ZDHHC20: variants seen among roughly 807,000 people sequenced by gnomAD.
The protein encoded by ZDHHC20 is palmitoyltransferase ZDHHC20.
A neutral mutation model predicts 57.8 loss-of-function variants in ZDHHC20; 43 were observed. The ratio of observed to expected loss-of-function variants is 0.74; its 90% confidence interval spans 0.58 to 0.96. The LOEUF is 0.96. Among genes scored for constraint, ZDHHC20 ranks in the 40% least tolerant of loss-of-function variants. The pLI, the probability that ZDHHC20 is intolerant of heterozygous loss-of-function variation, is 0.00. For synonymous variants in ZDHHC20, 157 were observed against 153.0 expected, an observed-to-expected ratio of 1.03 and a Z score of -0.19; for missense variants, 391 against 441.1, an observed-to-expected ratio of 0.89 and a Z score of 1.02.
At chr13:21,401,034 T>C (rs375473197) in intron 6 of ZDHHC20, among the ~76,000 whole-genome samples, 1 of 152,018 alleles carries the variant, frequency 6.6e-6, no homozygotes, top group Non-Finnish European at 1.5e-5. Flanking sequence ...TCCTAGTACT[T>C]TGGGAGGCCA....
chr13:21,450,339 C>T (rs1268376355), intron 1 of ZDHHC20, among the ~76,000 whole-genome samples: 2 of 152,192 alleles, frequency 1.3e-5, no homozygotes, highest in African/African-American at 4.8e-5. Context: ...TTCTTCTGAA[C>T]AGTCTGACTT....
rs1247337108 is a variant in ZDHHC20 at position 21,459,226 on chromosome 13, C to A, written c.-55G>T. 5 of 1,423,090 alleles carry A rather than the reference C, an allele frequency of 3.5e-6. No individual in the cohort carries two copies. The highest frequency in any genetic ancestry group is 4.8e-6 in the Non-Finnish European group (5 of 1,051,062). 88.2% of individuals were successfully genotyped at this position (1,423,090 alleles called of 1,614,324 possible). A position where few individuals can be genotyped will look rare whatever the true frequency, so the allele number is the denominator to read the frequency against. ...CCCACCGTTCTGGGGAGCGCGGGAG[C>A]CCCGGCGACGGTGACTCGGACGCTC... On this transcript the variant is annotated 5_prime_UTR_variant, in exon 1 of 13. Transcript: ENST00000400590.
At chr13:21,420,994 T>G (rs1880579457) in intron 3 of ZDHHC20, 67 bp downstream of exon 3, 1 of 1,285,218 alleles carries the variant, frequency 7.8e-7, no homozygotes, top group African/African-American at 1.5e-5. Flanking sequence ...TTAACAAAGG[T>G]AACACAAGGG....
At chr13:21,432,650 A>T (rs1215629513) in intron 1 of ZDHHC20, among the ~76,000 whole-genome samples, 1 of 152,040 alleles carries the variant, frequency 6.6e-6, no homozygotes, top group African/African-American at 2.4e-5. Flanking sequence ...TGTATTTTTA[A>T]TAAAGATAGG....
chr13:21,381,444 G>A lies in ZDHHC20; in HGVS notation c.1050C>T (p.Ile350=), dbSNP rs373125487. 11 of 1,612,886 alleles carry A rather than the reference G, an allele frequency of 6.8e-6. No individual in the cohort carries two copies. The highest frequency in any genetic ancestry group is 1.3e-5 in the African/African-American group (1 of 74,886). Residue 350 remains isoleucine, a synonymous_variant, in exon 11 of 13, where the codon ATC becomes ATT. Coordinates refer to ENST00000400590, the MANE Select transcript of ZDHHC20 (RefSeq NM_001330059.2). ...QWLENGAEEG[I]VKSGTNNHVT... ...AATGAGAACTATTACCTGATTTGAC[G>A]ATGCCTTCTTCAGCTCCATTCTCCA... is the stretch of plus-strand genomic sequence containing the variant.
chr13:21,420,769 T>G (rs1018189048), intron 3 of ZDHHC20, among the ~76,000 whole-genome samples: 3 of 152,238 alleles, frequency 2.0e-5, no homozygotes, highest in African/African-American at 7.2e-5. Flanking sequence ...CTAACGCAAT[T>G]CTGTTCCTTG....
intron 1 of ZDHHC20, among the ~76,000 whole-genome samples, chr13:21,454,912 TGTTTGTTG>T (rs373666384): frequency 0.021 from 3,124 of 151,840 alleles, 116 homozygotes; most frequent in African/African-American, 0.072. Context: ...TTTGTTTGTT[TGTTTGTTG>T]GTTTGTTGGT....
intron 4 of ZDHHC20, among the ~76,000 whole-genome samples, chr13:21,410,737 A>G (rs539268935): frequency 7.9e-5 from 12 of 152,204 alleles, no homozygotes; most frequent in Non-Finnish European, 1.5e-4. Context: ...TCCCAGGTCA[A>G]CTTCAGACTG....
At position 21,375,328 on chromosome 13, in the gene ZDHHC20, C is replaced by T. The variant is rs748405382; in HGVS notation, c.*1368G>A. On this transcript the variant is annotated 3_prime_UTR_variant, in exon 13 of 13. Transcript: ENST00000400590. ...TTCATCTCCACCCACTCACTGGAAG[C>T]AATCAATTATTTTGGGGGGGGTGTG... is the stretch of plus-strand genomic sequence containing the variant. 4 of 367,280 alleles carry T rather than the reference C, an allele frequency of 1.1e-5. No individual in the cohort carries two copies. The highest frequency in any genetic ancestry group is 2.1e-5 in the African/African-American group (1 of 46,696). 22.8% of individuals were successfully genotyped at this position (367,280 alleles called of 1,614,324 possible). A position where few individuals can be genotyped will look rare whatever the true frequency, so the allele number is the denominator to read the frequency against.
chr13:21,401,811 A>T, intron 5 of ZDHHC20, 126 bp from the exon 6 acceptor site: 1 of 791,494 alleles, frequency 1.3e-6, no homozygotes, highest in Non-Finnish European at 1.9e-6. Flanking sequence ...TCAACCCAGA[A>T]ACTAGGTTAG....
Position 21,423,405 on chromosome 13 carries a change from G to C in ZDHHC20, c.146-2241C>G, listed in dbSNP as rs1566096703. ...AGTATCATTGCTTTGGCCAGGTGCA[G>C]TGGCTCGTGCCTGTATTCCCAGCAC... On this transcript the variant is annotated intron_variant, in intron 2 of 12. Transcript: ENST00000400590. 2.6e-5 allele frequency among the ~76,000 whole-genome samples: 4 copies of C among 152,314 alleles called. No individual in the cohort carries two copies. In the South Asian group the frequency reaches 8.3e-4, roughly 32 times the overall value.
intron 1 of ZDHHC20, among the ~76,000 whole-genome samples, chr13:21,450,812 T>C (rs1884377704): frequency 6.6e-6 from 1 of 151,574 alleles, no homozygotes; most frequent in South Asian, 2.1e-4. Flanking sequence ...TGGAGTGCAG[T>C]GGTGTGATCA....
chr13:21,454,404 G>A (rs568951746), intron 1 of ZDHHC20, among the ~76,000 whole-genome samples: 2 of 152,200 alleles, frequency 1.3e-5, no homozygotes, highest in Admixed American at 1.3e-4. Flanking sequence ...GTAGTACAGA[G>A]GTGAGCCACT....
At position 21,417,408 on chromosome 13, in the gene ZDHHC20, C is replaced by T. The variant is rs561236619; in HGVS notation, c.250-3636G>A. On this transcript the variant is annotated intron_variant, in intron 3 of 12. Coordinates refer to ENST00000400590, the MANE Select transcript of ZDHHC20 (RefSeq NM_001330059.2). The stretch of plus-strand genomic sequence containing the variant: ...CACCCCACCCGTATTTATAACTTAA[C>T]TTCCTTAAAGATTTATAGTTTTTAC... 2.0e-5 allele frequency among the ~76,000 whole-genome samples: 3 copies of T among 152,170 alleles called. No homozygotes were observed. In the East Asian group the frequency reaches 5.8e-4, roughly 29 times the overall value.
chr13:21,446,144 T>C (rs1215737073), intron 1 of ZDHHC20, among the ~76,000 whole-genome samples: 2 of 152,184 alleles, frequency 1.3e-5, no homozygotes, highest in Non-Finnish European at 2.9e-5. Flanking sequence ...TTAAGCAAAG[T>C]GGAAAGCCAT....
At position 21,372,880 on chromosome 13, in the gene ZDHHC20, A is replaced by G. The variant is rs1871433153; in HGVS notation, c.*3816T>C. 1 of 152,244 alleles carries G rather than the reference A, an allele frequency of 6.6e-6. No homozygotes were observed. Among genetic ancestry groups the G allele is most frequent in the Non-Finnish European group, 1.5e-5 (1 of 68,014 alleles). The allele number at this position is 152,244 out of a possible 1,614,324, so 9.4% of individuals were successfully genotyped here. Reference sequence around the variant, plus strand: ...GGCATAGACTCATTTGCAGTCATGTACAAATATACCTAATAGCTTTCTTCA... The same window carrying G: ...GGCATAGACTCATTTGCAGTCATGTGCAAATATACCTAATAGCTTTCTTCA... On this transcript the variant is annotated 3_prime_UTR_variant, in exon 13 of 13. Coordinates refer to ENST00000400590, the MANE Select transcript of ZDHHC20 (RefSeq NM_001330059.2).
chr13:21,458,019 T>C (rs964242636), intron 1 of ZDHHC20, among the ~76,000 whole-genome samples: 3 of 152,224 alleles, frequency 2.0e-5, no homozygotes, highest in African/African-American at 7.2e-5. Flanking sequence ...AGCAGATGTA[T>C]ACAGAACACC....
chr13:21,392,230 A>AATAGCAAT (rs1292071940), intron 7 of ZDHHC20, among the ~76,000 whole-genome samples: 29 of 151,022 alleles, frequency 1.9e-4, no homozygotes, highest in African/African-American at 7.1e-4. Context: ...AAAAAAAAAC[A>AATAGCAAT]ATAGCAATAC....
intron 7 of ZDHHC20, among the ~76,000 whole-genome samples, chr13:21,394,340 T>C (rs950412873): frequency 2.6e-5 from 4 of 152,198 alleles, no homozygotes; most frequent in Non-Finnish European, 5.9e-5. Context: ...AAATCCTACC[T>C]TCTAAATAAG....
Sources: allele counts gnomAD v4.1 joint callset (sites outside exome capture counted in the v4.1 genomes callset), GRCh38; gene constraint gnomAD v4.1.1; transcripts MANE v1.5; gene names NCBI Gene and HGNC (gene_info 2026-07-23, HGNC 2026-07-21).